NRG1: variants seen among roughly 807,000 people sequenced by gnomAD.
NRG1 encodes the protein pro-neuregulin-1, membrane-bound isoform.
Under a neutral mutation model 63.8 loss-of-function variants are expected in NRG1, and 18 were observed. The ratio of observed to expected loss-of-function variants is 0.28; its 90% confidence interval spans 0.19 to 0.42. The LOEUF is 0.42. Among genes scored for constraint, NRG1 ranks in the 10% least tolerant of loss-of-function variants. The probability of loss-of-function intolerance (pLI) is 1.00; values close to 1 mark genes in which losing one functional copy is unlikely to be tolerated. For synonymous variants in NRG1, 302 were observed against 301.3 expected, an observed-to-expected ratio of 1.00 and a Z score of -0.02; for missense variants, 762 against 814.7, an observed-to-expected ratio of 0.94 and a Z score of 0.79.
intron 1 of NRG1, among the ~76,000 whole-genome samples, chr8:32,064,047 T>C (rs1240032671): frequency 6.6e-6 from 1 of 151,894 alleles, no homozygotes; most frequent in Non-Finnish European, 1.5e-5. Context: ...ATTGGGCAGT[T>C]TAAAACAAGC....
chr8:32,499,818 G>A (rs753564201), intron 1 of NRG1, among the ~76,000 whole-genome samples: 17 of 152,152 alleles, frequency 1.1e-4, no homozygotes, highest in African/African-American at 2.2e-4. Context: ...TCCAAACTAC[G>A]GTAGTGATAA....
rs113014240 is a variant in NRG1 at position 32,177,395 on chromosome 8, G to C, written c.38-418433G>C. On this transcript the variant is annotated intron_variant, in intron 1 of 10. Transcript: ENST00000519301. Reference sequence around the variant, plus strand: ...CTAATGTTAAATGAGGAGTTAATGGGTGCAGCACACCGACATGGCACATGT... The same window carrying C: ...CTAATGTTAAATGAGGAGTTAATGGCTGCAGCACACCGACATGGCACATGT... Among the ~76,000 whole-genome samples, 10 of 151,902 alleles carry C rather than the reference G, an allele frequency of 6.6e-5. 1 individual carries two copies. Among genetic ancestry groups the C allele is most frequent in the African/African-American group, 2.4e-4 (10 of 41,412 alleles).
At chr8:31,947,052 G>C (rs975497562) in intron 1 of NRG1, among the ~76,000 whole-genome samples, 5 of 152,184 alleles carry the variant, frequency 3.3e-5, no homozygotes, top group Non-Finnish European at 7.3e-5. Flanking sequence ...TGTAATCCCA[G>C]CCCTTTGGGA....
At chr8:32,176,772 A>G (rs986521749) in intron 1 of NRG1, among the ~76,000 whole-genome samples, 3 of 152,178 alleles carry the variant, frequency 2.0e-5, no homozygotes, top group Admixed American at 6.5e-5. Context: ...TCAAAACCAC[A>G]ATGAGATACC....
In NRG1 at chr8:32,261,678, C is replaced by T. The variant is rs190144669; in HGVS notation, c.38-334150C>T. Among the ~76,000 whole-genome samples, 77 of 152,166 alleles carry T rather than the reference C, an allele frequency of 5.1e-4. 1 individual carries two copies. The East Asian group carries it at 9.5e-3, about 19-fold the overall frequency. ...CAGTTGCGCTTTTAACACCTCCACT[C>T]CCCCCTTGTATTGGACGGTAAAGGC... On this transcript the variant is annotated intron_variant, in intron 1 of 10. Coordinates refer to the NRG1 transcript ENST00000519301.
intron 1 of NRG1, among the ~76,000 whole-genome samples, chr8:32,370,206 T>C (rs1485984091): frequency 6.6e-6 from 1 of 152,110 alleles, no homozygotes; most frequent in Non-Finnish European, 1.5e-5. Flanking sequence ...ATAGAGTGAA[T>C]AGGAGAAACC....
intron 5 of NRG1, among the ~76,000 whole-genome samples, chr8:32,625,788 CTTTTTTCT>C (rs1563796371): frequency 2.1e-5 from 2 of 94,240 alleles, no homozygotes; most frequent in African/African-American, 8.2e-5. Context: ...TTTTTTTTTT[CTTTTTTCT>C]TTTTTTTTTT....
At chr8:32,219,279 C>T (rs1845568135) in intron 1 of NRG1, among the ~76,000 whole-genome samples, 2 of 152,146 alleles carry the variant, frequency 1.3e-5, no homozygotes, top group African/African-American at 4.8e-5. Flanking sequence ...TTTCTGGCAC[C>T]TAAAACAGCT....
At chr8:32,270,281 T>C (rs1851409807) in intron 1 of NRG1, among the ~76,000 whole-genome samples, 1 of 152,172 alleles carries the variant, frequency 6.6e-6, no homozygotes, top group Admixed American at 6.5e-5. Flanking sequence ...GTCCAAGCCG[T>C]CAAGGAGGGA....
intron 4 of NRG1, among the ~76,000 whole-genome samples, chr8:32,615,424 C>T (rs1262625291): frequency 6.6e-6 from 1 of 152,008 alleles, no homozygotes; most frequent in East Asian, 1.9e-4. Context: ...ATTTGATAAT[C>T]ACAATAAACT....
chr8:32,104,486 T>C (rs1831001172), intron 1 of NRG1, among the ~76,000 whole-genome samples: 1 of 152,128 alleles, frequency 6.6e-6, no homozygotes, highest in Non-Finnish European at 1.5e-5. Context: ...CCTATATTTA[T>C]AGAAAAATCT....
At chr8:32,240,813 T>G (rs561994191) in intron 1 of NRG1, among the ~76,000 whole-genome samples, 8 of 152,300 alleles carry the variant, frequency 5.3e-5, no homozygotes, top group African/African-American at 1.7e-4. Flanking sequence ...GGAAGAATTT[T>G]AGAGACTCTT....
chr8:32,335,677 A>G (rs1239322354), intron 1 of NRG1, among the ~76,000 whole-genome samples: 1 of 152,148 alleles, frequency 6.6e-6, no homozygotes, highest in African/African-American at 2.4e-5. Context: ...TATTTCATAA[A>G]TGAGATTCTG....
intron 2 of NRG1, among the ~76,000 whole-genome samples, chr8:32,604,666 C>G (rs1844953579): frequency 6.6e-6 from 1 of 152,080 alleles, no homozygotes; most frequent in Admixed American, 6.6e-5. Flanking sequence ...TTCTTGGGCC[C>G]AAGTGATTCT....
At chr8:32,259,616 C>G (rs1231196103) in intron 1 of NRG1, among the ~76,000 whole-genome samples, 1 of 152,126 alleles carries the variant, frequency 6.6e-6, no homozygotes, top group African/African-American at 2.4e-5. Flanking sequence ...CATAATTACC[C>G]TCCCCCAACA....
chr8:31,789,179 A>T (rs1201271685), intron 1 of NRG1, among the ~76,000 whole-genome samples: 1 of 152,182 alleles, frequency 6.6e-6, no homozygotes, highest in Non-Finnish European at 1.5e-5. Context: ...GTTCAGAGAG[A>T]TTAGCTTTAT....
At chr8:31,782,719 G>T (rs146563720) in intron 1 of NRG1, among the ~76,000 whole-genome samples, 3 of 152,104 alleles carry the variant, frequency 2.0e-5, no homozygotes, top group African/African-American at 7.2e-5. Context: ...TGAACCCAAC[G>T]CTGTGCTTTA....
intron 1 of NRG1, among the ~76,000 whole-genome samples, chr8:32,562,072 T>G (rs1487942928): frequency 6.6e-6 from 1 of 152,108 alleles, no homozygotes; most frequent in Non-Finnish European, 1.5e-5. Flanking sequence ...AGGGAGGAGC[T>G]TTGCCCTCAG....
chr8:32,608,108 T>TG (rs1488333364), intron 3 of NRG1, among the ~76,000 whole-genome samples: 1 of 94,828 alleles, frequency 1.1e-5, no homozygotes, highest in South Asian at 3.5e-4. Context: ...TTTTTTTTTG[T>TG]TTTTTTTTTT....
Sources: allele counts gnomAD v4.1 joint callset (sites outside exome capture counted in the v4.1 genomes callset), GRCh38; gene constraint gnomAD v4.1.1; transcripts MANE v1.5; gene names NCBI Gene and HGNC (gene_info 2026-07-23, HGNC 2026-07-21).